Variants in NAALAD2 observed in about 807,000 individuals in gnomAD.
NAALAD2 encodes the protein N-acetylated alpha-linked acidic dipeptidase 2.
A neutral mutation model predicts 95.6 loss-of-function variants in NAALAD2; 89 were observed. That is an observed-to-expected ratio of 0.93 (90% CI 0.78 to 1.11). The LOEUF (loss-of-function observed/expected upper bound fraction) is 1.11. Ranked by LOEUF, NAALAD2 falls within the 50% of genes least tolerant of loss-of-function variation. The pLI is 0.00. For missense variants in NAALAD2, 894 were observed against 872.4 expected (o/e 1.02, Z -0.31); for synonymous variants, 264 against 294.4 (o/e 0.90, Z 1.06).
chr11:90,141,640 G>C (rs1386407003), intron 2 of NAALAD2, among the ~76,000 whole-genome samples: 3 of 152,030 alleles, frequency 2.0e-5, no homozygotes, highest in Non-Finnish European at 4.4e-5. Context: ...TTCTGAGACA[G>C]AGTCTTGCCA....
At chr11:90,161,579 T>C (rs1398679686) in intron 8 of NAALAD2, among the ~76,000 whole-genome samples, 1 of 152,180 alleles carries the variant, frequency 6.6e-6, no homozygotes, top group Non-Finnish European at 1.5e-5. Flanking sequence ...GTGATAAGTT[T>C]GAAGTAATAA....
rs1043836976 is a variant in NAALAD2 at position 90,192,687 on chromosome 11, G to C, written c.*940G>C. ...AGTGTGAATGGTCAGGAAAAAGCCA[G>C]TAATATTCATACATTTAATAATTTC... On this transcript the variant is annotated 3_prime_UTR_variant, in exon 19 of 19. Transcript: ENST00000534061. 3 of 151,994 alleles carry C rather than the reference G, an allele frequency of 2.0e-5. No individual in the cohort carries two copies. Among genetic ancestry groups the C allele is most frequent in the Non-Finnish European group, 4.4e-5 (3 of 67,900 alleles). 9.4% of individuals were successfully genotyped at this position (151,994 alleles called of 1,614,324 possible).
Position 90,152,334 on chromosome 11 carries a change from A to G in NAALAD2, c.646A>G (p.Ile216Val), listed in dbSNP as rs1227292794. 6.2e-7 allele frequency: 1 copy of G among 1,611,780 alleles called. No individual in the cohort carries two copies. The highest frequency in any genetic ancestry group is 2.2e-5 in the East Asian group (1 of 44,834). ...CATGTTAGCAGGAGCCATAGGAATC[A>G]TCTTGTACTCAGATCCAGCTGACTA... ...NAMLAGAIGI[I>V]LYSDPADYFA... The change falls in exon 6 of 19, where the codon ATC becomes GTC. Residue 216 changes from isoleucine (I) to valine (V), a missense_variant. Transcript: ENST00000534061.
chr11:90,186,244 T>A (rs1178404250), intron 18 of NAALAD2, among the ~76,000 whole-genome samples: 1 of 151,468 alleles, frequency 6.6e-6, no homozygotes, highest in Non-Finnish European at 1.5e-5. Context: ...GATCTCATTG[T>A]TCAATTCCCA....
chr11:90,176,261 G>A (rs1329835799), intron 15 of NAALAD2, among the ~76,000 whole-genome samples, 199 bp downstream of exon 15: 1 of 152,044 alleles, frequency 6.6e-6, no homozygotes, highest in Non-Finnish European at 1.5e-5. Flanking sequence ...CATTGTTAGG[G>A]TTAATCAAAT....
intron 2 of NAALAD2, among the ~76,000 whole-genome samples, chr11:90,143,978 G>A (rs1378054099): frequency 6.6e-6 from 1 of 151,926 alleles, no homozygotes; most frequent in Non-Finnish European, 1.5e-5. Flanking sequence ...CAGCTATAAT[G>A]TTCTTATTAA....
At chr11:90,146,664 C>T (rs1161961920) in intron 2 of NAALAD2, among the ~76,000 whole-genome samples, 2 of 151,978 alleles carry the variant, frequency 1.3e-5, no homozygotes, top group African/African-American at 4.8e-5. Context: ...CATGCCTGGC[C>T]AGGGACTTTA....
chr11:90,155,851 A>G (rs1195953735), intron 6 of NAALAD2, among the ~76,000 whole-genome samples: 2 of 142,256 alleles, frequency 1.4e-5, no homozygotes, highest in East Asian at 2.0e-4. Context: ...TATGTTATAT[A>G]TATTATATTA....
chr11:90,149,158 T>C (rs1663870174), intron 4 of NAALAD2, 51 bp downstream of exon 4: 1 of 1,205,374 alleles, frequency 8.3e-7, no homozygotes, highest in African/African-American at 1.5e-5. Context: ...TCTTTTGCTA[T>C]GTAAAACCTG....
intron 8 of NAALAD2, chr11:90,162,461 C>T (rs907370869): frequency 6.6e-6 from 1 of 151,922 alleles, no homozygotes; most frequent in Non-Finnish European, 1.5e-5. Context: ...ATATCATTTC[C>T]ATAATCATAA....
At chr11:90,158,778 TA>T (rs1468196633) in intron 7 of NAALAD2, 6 of 179,208 alleles carry the variant, frequency 3.3e-5, no homozygotes, top group African/African-American at 4.8e-5. Flanking sequence ...GATATTTCTT[TA>T]CATATCCCCC....
chr11:90,188,724 A>G (rs1033170268), intron 18 of NAALAD2, among the ~76,000 whole-genome samples: 12 of 152,206 alleles, frequency 7.9e-5, no homozygotes, highest in Non-Finnish European at 1.2e-4. Flanking sequence ...TAAATTTTGC[A>G]AACTTAATTA....
chr11:90,163,271 A>T (rs1444119182), intron 9 of NAALAD2, 39 bp from the exon 10 acceptor site: 1 of 1,582,418 alleles, frequency 6.3e-7, no homozygotes, highest in Admixed American at 1.8e-5. Context: ...TTTATAATGT[A>T]TTCAAAGTTG....
At chr11:90,147,235 A>G (rs974711367) in intron 2 of NAALAD2, 95 bp from the exon 3 acceptor site, 8 of 955,038 alleles carry the variant, frequency 8.4e-6, no homozygotes, top group Admixed American at 7.1e-5. Context: ...TGACAACTTA[A>G]TGCCCAATGC....
chr11:90,171,891 C>T (rs7106082), intron 13 of NAALAD2, among the ~76,000 whole-genome samples: 33,369 of 151,950 alleles, frequency 0.22, 4,456 homozygotes, highest in African/African-American at 0.37. Context: ...AGGTAAGACT[C>T]ATCTAGCCGA....
intron 2 of NAALAD2, among the ~76,000 whole-genome samples, chr11:90,144,890 T>C (rs998513450): frequency 1.3e-5 from 2 of 150,792 alleles, no homozygotes; most frequent in African/African-American, 4.9e-5. Context: ...GCTTGAAGAG[T>C]GGGTTAAAGG....
At chr11:90,142,208 T>G (rs1951637997) in intron 2 of NAALAD2, among the ~76,000 whole-genome samples, 1 of 152,158 alleles carries the variant, frequency 6.6e-6, no homozygotes, top group Admixed American at 6.5e-5. Flanking sequence ...ATTCCTTTAT[T>G]TCTTCACTAA....
At chr11:90,191,307 A>G (rs538892871) in intron 18 of NAALAD2, among the ~76,000 whole-genome samples, 2 of 152,190 alleles carry the variant, frequency 1.3e-5, no homozygotes, top group Admixed American at 1.3e-4. Flanking sequence ...ACTTAAAAGA[A>G]CCTGCTTTCT....
chr11:90,163,823 T>C (rs138511682), intron 11 of NAALAD2: 11 of 499,030 alleles, frequency 2.2e-5, no homozygotes, highest in African/African-American at 1.6e-4. Context: ...GACAGAGTTA[T>C]TGCCTCTTGT....
Sources: gnomAD v4.1 joint callset for allele counts (sites outside exome capture counted in the v4.1 genomes callset) on GRCh38, gnomAD v4.1.1 for gene constraint, MANE v1.5 for transcripts, NCBI Gene and HGNC (gene_info 2026-07-23, HGNC 2026-07-21) for gene names.